The following AGL variants were observed in gnomAD, a reference collection of about 807,000 sequenced individuals.
The protein encoded by AGL is amylo-alpha-1,6-glucosidase and 4-alpha-glucanotransferase, also known as glycogen debranching enzyme.
A neutral mutation model predicts 199.3 loss-of-function variants in AGL; 128 were observed. That is an observed-to-expected ratio of 0.64 (90% CI 0.56 to 0.74). AGL has a LOEUF of 0.74. Ranked by LOEUF, AGL falls within the 30% of genes least tolerant of loss-of-function variation. The probability of loss-of-function intolerance (pLI) is 0.00; values close to 1 mark genes in which losing one functional copy is unlikely to be tolerated. For synonymous variants in AGL, 584 were observed against 594.7 expected (o/e 0.98, Z 0.26); for missense variants, 1,809 against 1,820.8 (o/e 0.99, Z 0.12).
chr1:99,909,935 C>CTATA (rs1654614256), intron 27 of AGL, among the ~76,000 whole-genome samples: 1 of 151,974 alleles, frequency 6.6e-6, no homozygotes, highest in African/African-American at 2.4e-5. Flanking sequence ...ATTCAGTGTA[C>CTATA]TATAATATAT....
chr1:99,858,115 G>T (rs1032120607), intron 2 of AGL, among the ~76,000 whole-genome samples: 2 of 152,074 alleles, frequency 1.3e-5, no homozygotes, highest in African/African-American at 4.8e-5. Flanking sequence ...AGCTTTACGG[G>T]TTATATTATC....
chr1:99,913,883 TA>T, intron 30 of AGL, 145 bp downstream of exon 30: 1 of 810,462 alleles, frequency 1.2e-6, no homozygotes, highest in Non-Finnish European at 2.1e-6. Context: ...CTTTCCTAAT[TA>T]ATCAAGTATT....
At chr1:99,875,985 C>T (rs527507173) in intron 10 of AGL, among the ~76,000 whole-genome samples, 1 of 152,340 alleles carries the variant, frequency 6.6e-6, no homozygotes, top group East Asian at 1.9e-4. Flanking sequence ...AGCGATTCTC[C>T]TGCCTCAGCC....
At chr1:99,856,330 C>CCCTT (rs1264525277) in intron 2 of AGL, among the ~76,000 whole-genome samples, 4 of 52,576 alleles carry the variant, frequency 7.6e-5, no homozygotes, top group African/African-American at 1.2e-4. Context: ...CTTCCTTCCT[C>CCCTT]CCTCCCTCCC....
rs532926173 is a variant in AGL, at chr1:99,915,482, C to A, written c.4255C>A (p.Pro1419Thr). Reference protein sequence around the residue: ...LGPLGMKTLDPDDMVYCGIYD... With the variant: ...LGPLGMKTLDTDDMVYCGIYD... Reference sequence around the variant, plus strand: ...TCCCCTTGGCATGAAAACTTTAGATCCAGAGTAAGTTGGAATATAAGTATT... The same window carrying A: ...TCCCCTTGGCATGAAAACTTTAGATACAGAGTAAGTTGGAATATAAGTATT... Residue 1419 changes from proline to threonine, a missense_variant, in exon 31 of 34, where the codon CCA (proline) becomes ACA (threonine). Coordinates refer to ENST00000361915, the MANE Select transcript of AGL (RefSeq NM_000642.3). 1.2e-6 allele frequency: 2 copies of A among 1,600,910 alleles called. No homozygotes were observed. Among genetic ancestry groups the A allele is most frequent in the Admixed American group, 3.3e-5 (2 of 59,898 alleles).
intron 20 of AGL, among the ~76,000 whole-genome samples, chr1:99,887,380 T>C (rs926377093): frequency 1.3e-5 from 2 of 152,110 alleles, no homozygotes; most frequent in African/African-American, 4.8e-5. Flanking sequence ...CTGAGAAAAA[T>C]CCTGGTTTCT....
At chr1:99,901,057 G>A (rs1292036487) in intron 26 of AGL, among the ~76,000 whole-genome samples, 196 bp downstream of exon 26, 1 of 152,120 alleles carries the variant, frequency 6.6e-6, no homozygotes, top group African/African-American at 2.4e-5. Flanking sequence ...TGGTAGAAGA[G>A]ATGATGATGT....
chr1:99,892,398 C>T, intron 23 of AGL, 34 bp from the exon 24 acceptor site: 2 of 1,593,784 alleles, frequency 1.3e-6, no homozygotes, highest in Non-Finnish European at 1.7e-6. Context: ...AATTGTATTT[C>T]TACAAGTAAT....
chr1:99,921,751 C>G lies in AGL; in HGVS notation c.*100C>G. 1.3e-6 allele frequency: 1 copy of G among 769,320 alleles called. No individual in the cohort carries two copies. The highest frequency in any genetic ancestry group is 2.1e-6 in the Non-Finnish European group (1 of 471,064). 47.7% of individuals were successfully genotyped at this position (769,320 alleles called of 1,614,324 possible). On this transcript the variant is annotated 3_prime_UTR_variant, in exon 34 of 34. Transcript: ENST00000361915. Reference sequence around the variant, plus strand: ...CACAGGCTCAAGTTGTTTTAAAAATCTCATTTATTATAATATTGATGCTCA... The same window carrying G: ...CACAGGCTCAAGTTGTTTTAAAAATGTCATTTATTATAATATTGATGCTCA...
At chr1:99,907,738 T>C (rs1654426487) in intron 27 of AGL, among the ~76,000 whole-genome samples, 1 of 147,284 alleles carries the variant, frequency 6.8e-6, no homozygotes, top group African/African-American at 2.5e-5. Flanking sequence ...AGGTGGTATC[T>C]AATGGTTTTG....
chr1:99,861,118 G>A, intron 2 of AGL: 1 of 1,003,730 alleles, frequency 1.0e-6, no homozygotes, highest in Non-Finnish European at 1.2e-6. Flanking sequence ...CTCTGTTGCA[G>A]TTAGAAAAAT....
rs1557764124 is a variant in AGL at position 99,881,299 on chromosome 1, T to C, written c.2009T>C (p.Val670Ala). ...YDELVPHQIS[V>A]VSEERFYTKW... ...AATTTTACCTTTGTCCAGATTTCAGTGGTTTCTGAAGAACGGTTTTACACT... is the reference window on the plus strand; with the variant it reads ...AATTTTACCTTTGTCCAGATTTCAGCGGTTTCTGAAGAACGGTTTTACACT... The change falls in exon 16 of 34, where the codon GTG (valine) becomes GCG (alanine). Residue 670 changes from valine (V) to alanine (A), a missense_variant. Transcript: ENST00000361915. The C allele has an allele frequency of 6.2e-7, 1 of 1,614,106 alleles. No individual in the cohort carries two copies. Among genetic ancestry groups the C allele is most frequent in the Non-Finnish European group, 8.5e-7 (1 of 1,179,996 alleles).
chr1:99,874,730 G>A lies in AGL; in HGVS notation c.1002G>A (p.Thr334=), dbSNP rs369218410. The change falls in exon 8 of 34, where the codon ACG becomes ACA. Residue 334 remains threonine, a synonymous_variant. Coordinates refer to ENST00000361915, the MANE Select transcript of AGL (RefSeq NM_000642.3). ...AGTCTGATCCAAACCAACACCTTAC[G>A]ATTATTCAAGATCCTGAATACAGAC... ...VTKSDPNQHL[T]IIQDPEYRRF... 1.1e-5 allele frequency: 18 copies of A among 1,599,090 alleles called. No homozygotes were observed. The highest frequency in any genetic ancestry group is 1.7e-4 in the Middle Eastern group (1 of 5,934).
chr1:99,851,157 G>A, intron 2 of AGL, 33 bp downstream of exon 2: 3 of 1,568,064 alleles, frequency 1.9e-6, no homozygotes, highest in Non-Finnish European at 1.8e-6. Context: ...TTGCTCATTT[G>A]CGTCTTTTAA....
At position 99,874,674 on chromosome 1, in the gene AGL, T is replaced by C; in HGVS notation, c.959-13T>C. On this transcript the variant is annotated splice_polypyrimidine_tract_variant and intron_variant, in intron 7 of 33. Coordinates refer to ENST00000361915, the MANE Select transcript of AGL (RefSeq NM_000642.3). Reference sequence around the variant, plus strand: ...ATATTTGCATTTAAGGTATCGTCTTTTCTTTCTTTTAGAAAATAGGCGAGT... The same window carrying C: ...ATATTTGCATTTAAGGTATCGTCTTCTCTTTCTTTTAGAAAATAGGCGAGT... The C allele has an allele frequency of 1.2e-6, 2 of 1,606,900 alleles. No individual in the cohort carries two copies. Among genetic ancestry groups the C allele is most frequent in the Non-Finnish European group, 1.7e-6 (2 of 1,173,960 alleles).
At chr1:99,852,378 T>G (rs963037489) in intron 2 of AGL, among the ~76,000 whole-genome samples, 8 of 146,922 alleles carry the variant, frequency 5.4e-5, no homozygotes, top group African/African-American at 2.0e-4. Flanking sequence ...TTTTTCCTTT[T>G]CTCTTTTTCT....
intron 2 of AGL, 141 bp from the exon 3 acceptor site, chr1:99,861,362 C>T: frequency 6.6e-7 from 1 of 1,526,118 alleles, no homozygotes; most frequent in Admixed American, 2.1e-5. Context: ...AAAGTAGTGC[C>T]AAAACAGCAT....
chr1:99,901,233 A>G (rs1014662959), intron 26 of AGL, among the ~76,000 whole-genome samples: 5 of 151,886 alleles, frequency 3.3e-5, no homozygotes, highest in Non-Finnish European at 7.4e-5. Flanking sequence ...AGAGATGGAG[A>G]AAGTTGTTGG....
At chr1:99,904,660 T>A (rs1263121161) in intron 27 of AGL, among the ~76,000 whole-genome samples, 1 of 152,180 alleles carries the variant, frequency 6.6e-6, no homozygotes, top group Non-Finnish European at 1.5e-5. Context: ...TAATCTGTTC[T>A]GCAACTCTAT....
Sources: allele counts gnomAD v4.1 joint callset (sites outside exome capture counted in the v4.1 genomes callset), GRCh38; gene constraint gnomAD v4.1.1; transcripts MANE v1.5; gene names NCBI Gene and HGNC (gene_info 2026-07-23, HGNC 2026-07-21).